The following NCAM1 variants were observed in gnomAD, a reference collection of about 807,000 sequenced individuals.
The protein encoded by NCAM1 is antigen recognized by monoclonal antibody 5.1H11.
A neutral mutation model predicts 109.8 loss-of-function variants in NCAM1; 14 were observed. The ratio of observed to expected loss-of-function variants is 0.13; its 90% confidence interval spans 0.08 to 0.20. The LOEUF (loss-of-function observed/expected upper bound fraction) is 0.20, where lower values mean the gene tolerates loss of function less well. Ranked by LOEUF, NCAM1 falls within the 10% of genes least tolerant of loss-of-function variation. NCAM1 has a pLI of 1.00. For missense variants in NCAM1, 774 were observed against 1,109.9 expected (o/e 0.70, Z 4.30); for synonymous variants, 418 against 442.9 (o/e 0.94, Z 0.70).
chr11:113,208,340 A>G (rs782168442), intron 7 of NCAM1, among the ~76,000 whole-genome samples: 5 of 152,134 alleles, frequency 3.3e-5, no homozygotes, highest in Non-Finnish European at 7.4e-5. Flanking sequence ...ACTCCCTGCA[A>G]TGGCCTACAA....
At chr11:113,181,809 CAGAT>C (rs1414515154) in intron 1 of NCAM1, among the ~76,000 whole-genome samples, 6 of 152,170 alleles carry the variant, frequency 3.9e-5, no homozygotes, top group Non-Finnish European at 7.3e-5. Flanking sequence ...CTTTGATTGA[CAGAT>C]AGCCACTCAG....
chr11:113,107,107 C>T (rs1470066226), intron 1 of NCAM1, among the ~76,000 whole-genome samples: 2 of 152,204 alleles, frequency 1.3e-5, no homozygotes, highest in Admixed American at 1.3e-4. Flanking sequence ...TGGATGGCTT[C>T]AACCATTTAA....
intron 1 of NCAM1, among the ~76,000 whole-genome samples, chr11:113,201,401 T>G (rs1555111771): frequency 6.6e-6 from 1 of 152,224 alleles, no homozygotes; most frequent in East Asian, 1.9e-4. Context: ...TCCCTCCTGT[T>G]GGCCAGAAGA....
chr11:113,156,139 C>T (rs782535135), intron 1 of NCAM1, among the ~76,000 whole-genome samples: 8 of 151,854 alleles, frequency 5.3e-5, no homozygotes, highest in African/African-American at 1.5e-4. Context: ...GACTTGACAA[C>T]GGGGAGAAAC....
At chr11:113,224,316 C>T (rs1555115826) in intron 9 of NCAM1, among the ~76,000 whole-genome samples, 2 of 152,244 alleles carry the variant, frequency 1.3e-5, no homozygotes, top group African/African-American at 4.8e-5. Context: ...GTCCTACGCC[C>T]ACGGAGCCTC....
At chr11:113,121,962 C>T (rs1555096177) in intron 1 of NCAM1, among the ~76,000 whole-genome samples, 1 of 152,204 alleles carries the variant, frequency 6.6e-6, no homozygotes, top group Non-Finnish European at 1.5e-5. Context: ...ATTCCTGTCT[C>T]AGGTTGATTT....
In NCAM1 at chr11:113,224,947, A is replaced by G. The variant is rs541549717; in HGVS notation, c.1089+3622A>G. On this transcript the variant is annotated intron_variant, in intron 9 of 19. Coordinates refer to ENST00000316851, the MANE Select transcript of NCAM1 (RefSeq NM_181351.5). Reference sequence around the variant, plus strand: ...ACCCCATCTGCATGTCACCATCATCAAAGACCAAAGGTAGATAAAACCACA... The same window carrying G: ...ACCCCATCTGCATGTCACCATCATCGAAGACCAAAGGTAGATAAAACCACA... Among the ~76,000 whole-genome samples, 9 of 152,364 alleles carry G rather than the reference A, an allele frequency of 5.9e-5. No individual in the cohort carries two copies. In the East Asian group the frequency reaches 1.7e-3, roughly 29 times the overall value.
At chr11:113,033,252 T>C (rs1233562623) in intron 1 of NCAM1, among the ~76,000 whole-genome samples, 2 of 152,166 alleles carry the variant, frequency 1.3e-5, no homozygotes, top group East Asian at 1.9e-4. Context: ...GAGGCAGAGG[T>C]GAGCAGATTC....
chr11:113,232,844 C>G lies in NCAM1; in HGVS notation c.1522+30C>G, dbSNP rs183233093. Reference sequence around the variant, plus strand: ...GTGTCCCTTACTCACCTGAGAGCAGCTGCCACAACCCCCCACCTAACCCTG... The same window carrying G: ...GTGTCCCTTACTCACCTGAGAGCAGGTGCCACAACCCCCCACCTAACCCTG... On this transcript the variant is annotated intron_variant, in intron 12 of 19. Transcript: ENST00000316851. The G allele has an allele frequency of 8.9e-5, 139 of 1,562,728 alleles. No individual in the cohort carries two copies. The South Asian group carries it at 1.4e-3, about 16-fold the overall frequency.
At chr11:113,156,924 TG>T (rs1322890465) in intron 1 of NCAM1, among the ~76,000 whole-genome samples, 1 of 152,068 alleles carries the variant, frequency 6.6e-6, no homozygotes, top group African/African-American at 2.4e-5. Flanking sequence ...CTTTAGGGAA[TG>T]GAAAAGGTAC....
chr11:113,045,844 G>GGTT (rs782181783), intron 1 of NCAM1, among the ~76,000 whole-genome samples: 92 of 143,756 alleles, frequency 6.4e-4, no homozygotes, highest in African/African-American at 2.3e-3. Flanking sequence ...GGATAAAAGA[G>GGTT]TTTTTTTTTT....
At chr11:113,073,471 G>A (rs1938387679) in intron 1 of NCAM1, among the ~76,000 whole-genome samples, 1 of 152,130 alleles carries the variant, frequency 6.6e-6, no homozygotes, top group Non-Finnish European at 1.5e-5. Flanking sequence ...CTATGGGAAT[G>A]TGTCTGCCTT....
At chr11:113,196,425 G>A (rs1390667554) in intron 1 of NCAM1, among the ~76,000 whole-genome samples, 4 of 152,242 alleles carry the variant, frequency 2.6e-5, no homozygotes, top group Admixed American at 6.5e-5. Flanking sequence ...TAGATTATTC[G>A]GGAAAGTTGC....
In NCAM1 at chr11:113,270,288, C is replaced by T. The variant is rs782390722; in HGVS notation, c.2232C>T (p.Tyr744=). The change falls in exon 18 of 20, where the codon TAC becomes TAT. Residue 744 remains tyrosine, a synonymous_variant. Transcript: ENST00000316851. ...TGGTGGTTGTGGACATCACCTGCTA[C>T]TTCCTGAACAAGTGTGGCCTGTTCA... ...LLLVVVDITC[Y]FLNKCGLFMC... The T allele has an allele frequency of 6.2e-7, 1 of 1,614,074 alleles. No homozygotes were observed. The highest frequency in any genetic ancestry group is 1.1e-5 in the South Asian group (1 of 91,090).
intron 14 of NCAM1, chr11:113,240,829 A>AT: frequency 6.2e-7 from 1 of 1,613,268 alleles, no homozygotes; most frequent in South Asian, 1.1e-5. Flanking sequence ...TGTCTCCACC[A>AT]GATAGTGAGT....
intron 12 of NCAM1, 22 bp downstream of exon 12, chr11:113,232,836 G>A: frequency 6.3e-7 from 1 of 1,590,080 alleles, no homozygotes; most frequent in Non-Finnish European, 8.6e-7. Flanking sequence ...TTACTCACCT[G>A]AGAGCAGCTG....
intron 1 of NCAM1, among the ~76,000 whole-genome samples, chr11:113,061,340 G>T (rs910371765): frequency 6.6e-6 from 1 of 152,108 alleles, no homozygotes; most frequent in African/African-American, 2.4e-5. Flanking sequence ...TTAACTGGAG[G>T]TTCCTTATAA....
intron 1 of NCAM1, among the ~76,000 whole-genome samples, chr11:113,124,390 G>A (rs2136065336): frequency 6.6e-6 from 1 of 152,242 alleles, no homozygotes; most frequent in African/African-American, 2.4e-5. Context: ...TAGGGCAACA[G>A]AACAAGTCCT....
intron 19 of NCAM1, 83 bp downstream of exon 19, chr11:113,271,959 C>T (rs529719892): frequency 1.1e-4 from 112 of 1,049,312 alleles, no homozygotes; most frequent in Middle Eastern, 9.2e-4. Context: ...CTCCCGTGCC[C>T]CTACCCACAG....
Sources: allele counts gnomAD v4.1 joint callset (sites outside exome capture counted in the v4.1 genomes callset), GRCh38; gene constraint gnomAD v4.1.1; transcripts MANE v1.5; gene names NCBI Gene and HGNC (gene_info 2026-07-23, HGNC 2026-07-21).